CBX5: variants seen among roughly 807,000 people sequenced by gnomAD.
The protein encoded by CBX5 is chromobox 5.
CBX5 carries 7 observed loss-of-function variants against 20.7 expected under a neutral mutation model. The observed-to-expected ratio is 0.34, with a 90% CI of 0.19 to 0.63. The LOEUF (loss-of-function observed/expected upper bound fraction) is 0.63, where lower values mean the gene tolerates loss of function less well. CBX5 is among the 30% of genes least tolerant of loss of function. CBX5 has a pLI of 0.75. For missense variants in CBX5, 110 were observed against 224.1 expected, an observed-to-expected ratio of 0.49 and a Z score of 3.25; for synonymous variants, 78 against 77.0, an observed-to-expected ratio of 1.01 and a Z score of -0.07.
intron 3 of CBX5, among the ~76,000 whole-genome samples, chr12:54,250,462 C>CA (rs1006438950): frequency 1.3e-5 from 2 of 150,976 alleles, no homozygotes; most frequent in Non-Finnish European, 3.0e-5. Flanking sequence ...ATTTTCACTG[C>CA]AAAAAAAAGA....
At chr12:54,257,295 C>T (rs1448057291) in intron 2 of CBX5, among the ~76,000 whole-genome samples, 1 of 152,180 alleles carries the variant, frequency 6.6e-6, no homozygotes, top group East Asian at 1.9e-4. Flanking sequence ...GTCTGTGCTC[C>T]TAACCAATTC....
chr12:54,263,762 CA>C (rs66591051), intron 1 of CBX5, among the ~76,000 whole-genome samples: 271 of 37,888 alleles, frequency 7.2e-3, no homozygotes, highest in South Asian at 0.02. Flanking sequence ...GACTCTATCT[CA>C]AAAAAAAAAA....
At chr12:54,251,768 T>C (rs1375136558) in intron 3 of CBX5, among the ~76,000 whole-genome samples, 1 of 152,168 alleles carries the variant, frequency 6.6e-6, no homozygotes, top group African/African-American at 2.4e-5. Flanking sequence ...AACTAAGTCT[T>C]CTACTTATGG....
At chr12:54,249,842 T>C (rs2137015263) in intron 3 of CBX5, among the ~76,000 whole-genome samples, 1 of 152,224 alleles carries the variant, frequency 6.6e-6, no homozygotes, top group East Asian at 1.9e-4. Flanking sequence ...TGAAGAAGAT[T>C]CAAAAGACAA....
At chr12:54,279,842 C>T (rs1049481237) in intron 1 of CBX5, among the ~76,000 whole-genome samples, 166 bp downstream of exon 1, 1 of 152,224 alleles carries the variant, frequency 6.6e-6, no homozygotes, top group African/African-American at 2.4e-5. Context: ...AAAGAACCTA[C>T]GGGGATTAAA....
chr12:54,232,717 T>C lies in CBX5; in HGVS notation c.*9038A>G, dbSNP rs1038350644. On this transcript the variant is annotated 3_prime_UTR_variant, in exon 5 of 5. Transcript: ENST00000209875. Reference sequence around the variant, plus strand: ...AACTGAGGGCCTATTATTTATCTAGTATAATGTGAGGAATCTTGGAAAAAT... The same window carrying C: ...AACTGAGGGCCTATTATTTATCTAGCATAATGTGAGGAATCTTGGAAAAAT... 2.6e-5 allele frequency: 4 copies of C among 151,900 alleles called. No individual in the cohort carries two copies. The highest frequency in any genetic ancestry group is 9.7e-5 in the African/African-American group (4 of 41,304). The allele number at this position is 151,900 out of a possible 1,614,324, so 9.4% of individuals were successfully genotyped here.
At position 54,231,642 on chromosome 12, in the gene CBX5, C is replaced by T. The variant is rs1281855380; in HGVS notation, c.*10113G>A. 1 of 152,326 alleles carries T rather than the reference C, an allele frequency of 6.6e-6. No homozygotes were observed. The highest frequency in any genetic ancestry group is 2.4e-5 in the African/African-American group (1 of 41,414). 9.4% of individuals were successfully genotyped at this position (152,326 alleles called of 1,614,324 possible). A position where few individuals can be genotyped will look rare whatever the true frequency, so the allele number is the denominator to read the frequency against. The stretch of plus-strand genomic sequence containing the variant: ...GATGGAAAGAGTAAGGCTCTTGAGC[C>T]CACACCTGGCCAAGTAGAAATAGTG... On this transcript the variant is annotated 3_prime_UTR_variant, in exon 5 of 5. Coordinates refer to ENST00000209875, the MANE Select transcript of CBX5 (RefSeq NM_012117.3).
chr12:54,273,147 T>C (rs576813447), intron 1 of CBX5: 3 of 152,310 alleles, frequency 2.0e-5, no homozygotes, highest in Non-Finnish European at 2.9e-5. Context: ...AAAGATGTGA[T>C]TAAAAGATGA....
chr12:54,267,942 G>A (rs1332016097), intron 1 of CBX5, among the ~76,000 whole-genome samples: 3 of 152,142 alleles, frequency 2.0e-5, no homozygotes, highest in African/African-American at 7.2e-5. Flanking sequence ...CCAGGAATTC[G>A]AGACCAGCCT....
chr12:54,250,859 C>T (rs1943792605), intron 3 of CBX5, among the ~76,000 whole-genome samples: 2 of 141,672 alleles, frequency 1.4e-5, no homozygotes, highest in African/African-American at 5.3e-5. Flanking sequence ...GGGCCGGGCG[C>T]GGTGGCTCAC....
chr12:54,252,277 T>C, intron 2 of CBX5, 50 bp from the exon 3 acceptor site: 1 of 1,397,566 alleles, frequency 7.2e-7, no homozygotes, highest in Non-Finnish European at 9.6e-7. Context: ...GGGTAAAGAA[T>C]GAGGAAAAAA....
rs536330572 is a variant in CBX5 at position 54,232,776 on chromosome 12, T to A, written c.*8979A>T. On this transcript the variant is annotated 3_prime_UTR_variant, in exon 5 of 5. Transcript: ENST00000209875. ...TCTGAAAGTCATGTTATAGATGTTT[T>A]GAAAATAAAATTACATCTTTAACAT... The A allele has an allele frequency of 6.6e-6, 1 of 152,212 alleles. No homozygotes were observed. The highest frequency in any genetic ancestry group is 2.1e-4 in the South Asian group (1 of 4,824). 9.4% of individuals were successfully genotyped at this position (152,212 alleles called of 1,614,324 possible).
At chr12:54,252,268 G>T in intron 2 of CBX5, 41 bp from the exon 3 acceptor site, 2 of 1,451,028 alleles carry the variant, frequency 1.4e-6, no homozygotes, top group Non-Finnish European at 1.9e-6. Context: ...AAAAGGGGGG[G>T]GTAAAGAATG....
chr12:54,250,255 A>G (rs952249714), intron 3 of CBX5, among the ~76,000 whole-genome samples: 5 of 151,948 alleles, frequency 3.3e-5, no homozygotes, highest in Non-Finnish European at 7.4e-5. Context: ...AAATAAAAAT[A>G]CAAAAATTAT....
chr12:54,242,036 C>A, intron 4 of CBX5, 131 bp from the exon 5 acceptor site: 1 of 745,976 alleles, frequency 1.3e-6, no homozygotes, highest in Non-Finnish European at 2.2e-6. Context: ...GTGAAAAGGA[C>A]CCTTTCAATA....
rs1290039604 is a variant in CBX5, at chr12:54,234,844, T to G, written c.*6911A>C. 6.6e-6 allele frequency: 1 copy of G among 152,216 alleles called. No individual in the cohort carries two copies. The highest frequency in any genetic ancestry group is 1.5e-5 in the Non-Finnish European group (1 of 68,042). The allele number at this position is 152,216 out of a possible 1,614,324, so 9.4% of individuals were successfully genotyped here. A position where few individuals can be genotyped will look rare whatever the true frequency, so the allele number is the denominator to read the frequency against. ...GACAGAGGAGCAATATGAGATGATG[T>G]TAGATGAAATGAGGATCAGAATGAA... On this transcript the variant is annotated 3_prime_UTR_variant, in exon 5 of 5. Coordinates refer to ENST00000209875, the MANE Select transcript of CBX5 (RefSeq NM_012117.3).
At chr12:54,261,100 A>G (rs945786325) in intron 1 of CBX5, among the ~76,000 whole-genome samples, 2 of 150,816 alleles carry the variant, frequency 1.3e-5, no homozygotes, top group East Asian at 4.0e-4. Context: ...CTAAGGCAGG[A>G]GAATCGCTTG....
chr12:54,259,475 T>C (rs914976378), intron 1 of CBX5: 1 of 152,528 alleles, frequency 6.6e-6, no homozygotes, highest in African/African-American at 2.4e-5. Context: ...GCCCCAAAGG[T>C]AGAAAATGAA....
At chr12:54,272,927 T>C (rs1944023880) in intron 1 of CBX5, 1 of 152,176 alleles carries the variant, frequency 6.6e-6, no homozygotes, top group Non-Finnish European at 1.5e-5. Context: ...CACCATTAGA[T>C]AATGGCAGAG....
Sources: gnomAD v4.1 joint callset for allele counts (sites outside exome capture counted in the v4.1 genomes callset) on GRCh38, gnomAD v4.1.1 for gene constraint, MANE v1.5 for transcripts, NCBI Gene and HGNC (gene_info 2026-07-23, HGNC 2026-07-21) for gene names.